PRPF3: variants seen among roughly 807,000 people sequenced by gnomAD.
PRPF3 encodes pre-mRNA processing factor 3, also known as U4/U6 small nuclear ribonucleoprotein Prp3.
A neutral mutation model predicts 89.2 loss-of-function variants in PRPF3; 3 were observed. The observed-to-expected ratio is 0.03, with a 90% CI of 0.02 to 0.09. The LOEUF (loss-of-function observed/expected upper bound fraction) is 0.09, where lower values mean the gene tolerates loss of function less well. PRPF3 is among the 10% of genes least tolerant of loss of function. PRPF3 has a pLI of 1.00. For synonymous variants in PRPF3, 270 were observed against 289.1 expected (o/e 0.93, Z 0.67); for missense variants, 463 against 828.8 (o/e 0.56, Z 5.42).
intron 4 of PRPF3, among the ~76,000 whole-genome samples, chr1:150,329,011 A>T (rs1656031910): frequency 7.0e-6 from 1 of 142,614 alleles, no homozygotes; most frequent in Non-Finnish European, 1.5e-5. Flanking sequence ...TCTTGATTTG[A>T]ATTAGTGTTT....
intron 14 of PRPF3, among the ~76,000 whole-genome samples, chr1:150,347,958 A>G (rs1182600618): frequency 6.6e-6 from 1 of 152,146 alleles, no homozygotes. Flanking sequence ...TCACTTTCAC[A>G]CTATACTCAA....
intron 4 of PRPF3, among the ~76,000 whole-genome samples, chr1:150,331,562 A>G (rs1553865571): frequency 6.6e-6 from 1 of 150,870 alleles, no homozygotes; most frequent in East Asian, 2.0e-4. Flanking sequence ...ACGGTGTTTC[A>G]CCATGTTAGC....
rs79394092 is a variant in PRPF3 at position 150,321,998 on chromosome 1, A to C, written c.-49+406A>C. Among the ~76,000 whole-genome samples the C allele has an allele frequency of 6.9e-3, 1,051 of 152,096 alleles. 24 individuals are homozygous for C. Among genetic ancestry groups the C allele is most frequent in the African/African-American group, 0.024 (976 of 41,464 alleles). ...TGCCTGCTCATTGAGAGGAGAGATCATTGTACCTCGCTTTCCTTCCGCACC... is the reference window on the plus strand; with the variant it reads ...TGCCTGCTCATTGAGAGGAGAGATCCTTGTACCTCGCTTTCCTTCCGCACC... On this transcript the variant is annotated intron_variant, in intron 1 of 15. Coordinates refer to ENST00000324862, the MANE Select transcript of PRPF3 (RefSeq NM_004698.4).
In PRPF3 at chr1:150,335,529, G is replaced by A. The variant is rs148318098; in HGVS notation, c.1035+288G>A. On this transcript the variant is annotated intron_variant, in intron 7 of 15. Transcript: ENST00000324862. ...TGCCCAGGCTGGAGTGCAATGGGGC[G>A]ATCTCGGCTTGCTGCAACCTTTGCC... Among the ~76,000 whole-genome samples, 906 of 152,160 alleles carry A rather than the reference G, an allele frequency of 6.0e-3. 12 individuals carry two copies. The highest frequency in any genetic ancestry group is 0.02 in the African/African-American group (849 of 41,502).
chr1:150,324,058 C>T (rs1167184297), intron 1 of PRPF3, among the ~76,000 whole-genome samples: 3 of 152,080 alleles, frequency 2.0e-5, no homozygotes, highest in African/African-American at 2.4e-5. Flanking sequence ...GGATTACAGG[C>T]GTGAGCCACC....
intron 9 of PRPF3, chr1:150,343,108 G>T: frequency 4.8e-6 from 1 of 206,856 alleles, no homozygotes; most frequent in Non-Finnish European, 9.6e-6. Context: ...CAGGCATGGT[G>T]GCGTGTGCCT....
intron 7 of PRPF3, among the ~76,000 whole-genome samples, chr1:150,337,776 A>AAC (rs1657204361): frequency 9.9e-5 from 15 of 151,402 alleles, no homozygotes; most frequent in African/African-American, 3.6e-4. Context: ...AAAAAAAAAA[A>AAC]AAATATTTGG....
intron 2 of PRPF3, among the ~76,000 whole-genome samples, chr1:150,325,543 T>G (rs1560084185): frequency 6.6e-6 from 1 of 152,176 alleles, no homozygotes; most frequent in South Asian, 2.1e-4. Flanking sequence ...TTGCTCTAAC[T>G]GCACCACTTC....
At chr1:150,327,885 A>G (rs1042728877) in intron 3 of PRPF3, 1 of 186,754 alleles carries the variant, frequency 5.4e-6, no homozygotes, top group Non-Finnish European at 1.1e-5. Context: ...CAGAATATCA[A>G]CAATGTAATT....
intron 3 of PRPF3, among the ~76,000 whole-genome samples, chr1:150,326,923 C>T (rs1572192614): frequency 6.6e-6 from 1 of 151,964 alleles, no homozygotes; most frequent in Non-Finnish European, 1.5e-5. Context: ...ATCTAAGTAG[C>T]AGTTTCATGT....
At chr1:150,337,750 T>TGA (rs1301554701) in intron 7 of PRPF3, among the ~76,000 whole-genome samples, 7 of 128,754 alleles carry the variant, frequency 5.4e-5, no homozygotes, top group African/African-American at 2.1e-4. Context: ...GGTGACAGAG[T>TGA]GAGACTCCGT....
At chr1:150,323,226 G>T (rs1553862710) in intron 1 of PRPF3, among the ~76,000 whole-genome samples, 1 of 118,432 alleles carries the variant, frequency 8.4e-6, no homozygotes, top group African/African-American at 3.3e-5. Flanking sequence ...TGTCGCTCAG[G>T]CTGGAGTGCA....
chr1:150,335,089 C>G lies in PRPF3; in HGVS notation c.883C>G (p.Gln295Glu). The change falls in exon 7 of 16, where the codon CAA becomes GAA. Residue 295 changes from glutamine to glutamate, a missense_variant. Around this residue, in one of 8 missense-constraint regions of PRPF3, gnomAD observed 261 missense variants for 475.8 expected, o/e 0.55. Coordinates refer to ENST00000324862, the MANE Select transcript of PRPF3 (RefSeq NM_004698.4). ...TGCTGTGAAGAGGGAACAATTCAAG[C>G]AACAACTAAAGGAAAAGCCATCAGA... ...IRAVKREQFK[Q>E]QLKEKPSEDM... The G allele has an allele frequency of 6.2e-7, 1 of 1,614,018 alleles. No homozygotes were observed. The highest frequency in any genetic ancestry group is 8.5e-7 in the Non-Finnish European group (1 of 1,179,992).
chr1:150,349,281 G>C, intron 15 of PRPF3, 63 bp downstream of exon 15: 1 of 1,173,524 alleles, frequency 8.5e-7, no homozygotes, highest in South Asian at 1.2e-5. Flanking sequence ...TATACTATTT[G>C]AGTGGAGCAA....
At chr1:150,327,571 G>A (rs1169871201) in intron 3 of PRPF3, 11 of 985,626 alleles carry the variant, frequency 1.1e-5, no homozygotes, top group Non-Finnish European at 1.3e-5. Context: ...TCCAGGAAGC[G>A]CTCGCCCCTG....
chr1:150,349,393 G>A (rs1658659821), intron 15 of PRPF3, among the ~76,000 whole-genome samples, 175 bp downstream of exon 15: 1 of 152,202 alleles, frequency 6.6e-6, no homozygotes, highest in Admixed American at 6.5e-5. Flanking sequence ...CTGATCATCT[G>A]TTTAATTAAA....
intron 15 of PRPF3, among the ~76,000 whole-genome samples, chr1:150,350,683 C>T (rs587689395): frequency 6.6e-6 from 1 of 152,136 alleles, no homozygotes; most frequent in East Asian, 1.9e-4. Flanking sequence ...TACTGAGACC[C>T]AGCACAGTGG....
intron 1 of PRPF3, among the ~76,000 whole-genome samples, chr1:150,322,595 A>G (rs1302701728): frequency 6.6e-6 from 1 of 152,188 alleles, no homozygotes; most frequent in Non-Finnish European, 1.5e-5. Context: ...GTAACTTGTC[A>G]CTGAGGCAGA....
Position 150,324,963 on chromosome 1 carries a change from G to A in PRPF3, c.21G>A (p.Glu7=). Residue 7 remains glutamate (E), a synonymous_variant, in exon 2 of 16, where the codon GAG becomes GAA. Transcript: ENST00000324862. ...GAAAAATGGCACTGTCAAAGAGGGA[G>A]CTGGATGAGCTGAAACCATGGATAG... MALSKR[E]LDELKPWIEK... 1 of 1,613,436 alleles carries A rather than the reference G, an allele frequency of 6.2e-7. No homozygotes were observed. The highest frequency in any genetic ancestry group is 8.5e-7 in the Non-Finnish European group (1 of 1,179,816).
Sources: allele counts gnomAD v4.1 joint callset (sites outside exome capture counted in the v4.1 genomes callset), GRCh38; gene constraint gnomAD v4.1.1; regional missense constraint gnomAD v4.1.1; transcripts MANE v1.5; gene names NCBI Gene and HGNC (gene_info 2026-07-23, HGNC 2026-07-21).